CACNA2D3: variants seen among roughly 807,000 people sequenced by gnomAD.
CACNA2D3 encodes the protein calcium voltage-gated channel auxiliary subunit alpha2delta 3.
CACNA2D3 carries 60 observed loss-of-function variants against 160.6 expected under a neutral mutation model. The ratio of observed to expected loss-of-function variants is 0.37; its 90% CI spans 0.30 to 0.46. The LOEUF (loss-of-function observed/expected upper bound fraction) is 0.46. Ranked by LOEUF, CACNA2D3 falls within the 20% of genes least tolerant of loss-of-function variation. CACNA2D3 has a pLI of 1.00. For missense variants in CACNA2D3, 1,205 were observed against 1,365.0 expected (o/e 0.88, Z 1.85); for synonymous variants, 558 against 492.9 (o/e 1.13, Z -1.75).
At chr3:54,739,350 G>A (rs554074036) in intron 11 of CACNA2D3, among the ~76,000 whole-genome samples, 48 of 150,468 alleles carry the variant, frequency 3.2e-4, no homozygotes, top group African/African-American at 1.1e-3. Context: ...AACCTGGGAG[G>A]CAGAGGTTGC....
At chr3:54,199,837 A>G (rs1400997153) in intron 2 of CACNA2D3, among the ~76,000 whole-genome samples, 5 of 152,244 alleles carry the variant, frequency 3.3e-5, no homozygotes, top group African/African-American at 1.2e-4. Context: ...AAGGGAGTCA[A>G]TTTTAAAATA....
At position 54,785,608 on chromosome 3, in the gene CACNA2D3, A is replaced by G. The variant is rs142480931; in HGVS notation, c.1380+21257A>G. On this transcript the variant is annotated intron_variant, in intron 13 of 37. Coordinates refer to ENST00000474759, the MANE Select transcript of CACNA2D3 (RefSeq NM_018398.3). ...CCTAAATGACAAGCAAAATACATGAATTATTTTCTGTAGGGAAATTGAGAA... is the reference window on the plus strand; with the variant it reads ...CCTAAATGACAAGCAAAATACATGAGTTATTTTCTGTAGGGAAATTGAGAA... 3.9e-3 allele frequency among the ~76,000 whole-genome samples: 590 copies of G among 152,308 alleles called. 5 individuals carry two copies. The highest frequency in any genetic ancestry group is 0.014 in the African/African-American group (571 of 41,556).
intron 17 of CACNA2D3, among the ~76,000 whole-genome samples, chr3:54,860,232 G>C (rs1044372108): frequency 3.3e-5 from 5 of 152,170 alleles, no homozygotes; most frequent in Admixed American, 3.3e-4. Context: ...ATATTTAGAA[G>C]CTGACAGACA....
rs147645725 is a variant in CACNA2D3, at chr3:54,355,728, T to TAGG, written c.322-30985_322-30983dup. On this transcript the variant is annotated intron_variant, in intron 3 of 37. Transcript: ENST00000474759. The stretch of plus-strand genomic sequence containing the variant: ...CCTAAGCCCAGGGCAGGAGTAAAGG[T>TAGG]AGGACATGGAGGCCTTGGAGGATTG... 3.6e-3 allele frequency among the ~76,000 whole-genome samples: 552 copies of TAGG among 152,252 alleles called. 15 individuals carry two copies. In the East Asian group the frequency reaches 0.065, roughly 18 times the overall value.
chr3:54,493,094 T>G (rs967109205), intron 4 of CACNA2D3, among the ~76,000 whole-genome samples: 6 of 68,818 alleles, frequency 8.7e-5, no homozygotes, highest in African/African-American at 1.7e-4. Context: ...TTTTTTTTTT[T>G]GGAGACGGAG....
intron 11 of CACNA2D3, among the ~76,000 whole-genome samples, chr3:54,676,205 C>T (rs1251264944): frequency 6.6e-6 from 1 of 152,174 alleles, no homozygotes; most frequent in Non-Finnish European, 1.5e-5. Context: ...TAAATCTTAG[C>T]CCCTTTCCTC....
intron 9 of CACNA2D3, among the ~76,000 whole-genome samples, chr3:54,589,361 A>G (rs1559520390): frequency 6.6e-6 from 1 of 152,076 alleles, no homozygotes; most frequent in Non-Finnish European, 1.5e-5. Flanking sequence ...CTTGACTCAA[A>G]CCTCACAACT....
intron 26 of CACNA2D3, among the ~76,000 whole-genome samples, chr3:54,898,110 C>A (rs1272184818): frequency 6.6e-6 from 1 of 151,664 alleles, no homozygotes; most frequent in Non-Finnish European, 1.5e-5. Context: ...TCCTTTCTTT[C>A]TTTTTTCTTT....
intron 5 of CACNA2D3, among the ~76,000 whole-genome samples, chr3:54,559,120 A>T (rs1702284652): frequency 6.6e-6 from 1 of 152,072 alleles, no homozygotes; most frequent in Non-Finnish European, 1.5e-5. Context: ...CTCCTCTAAG[A>T]ACGGAATGTT....
At chr3:54,365,086 C>T (rs1338364302) in intron 3 of CACNA2D3, among the ~76,000 whole-genome samples, 1 of 152,188 alleles carries the variant, frequency 6.6e-6, no homozygotes, top group Non-Finnish European at 1.5e-5. Context: ...ACTTGTGTTT[C>T]CTCAAACCTG....
chr3:54,657,998 A>G (rs552630831), intron 11 of CACNA2D3, among the ~76,000 whole-genome samples: 54 of 152,354 alleles, frequency 3.5e-4, no homozygotes, highest in African/African-American at 1.3e-3. Context: ...TGCCTGAGCA[A>G]CAGAGTGAGT....
At chr3:54,641,499 A>G (rs948157991) in intron 10 of CACNA2D3, among the ~76,000 whole-genome samples, 9 of 152,214 alleles carry the variant, frequency 5.9e-5, no homozygotes, top group East Asian at 1.9e-4. Flanking sequence ...AAAGATGTCA[A>G]AGTCTTAGTT....
intron 5 of CACNA2D3, among the ~76,000 whole-genome samples, chr3:54,531,967 C>T (rs532895503): frequency 3.9e-5 from 6 of 152,280 alleles, no homozygotes; most frequent in African/African-American, 1.2e-4. Context: ...GCTTGGCAGC[C>T]GGTGTCTTGC....
chr3:54,878,964 A>G, intron 18 of CACNA2D3, 54 bp from the exon 19 acceptor site: 2 of 1,137,152 alleles, frequency 1.8e-6, no homozygotes, highest in East Asian at 2.4e-5. Context: ...CAAGATGTCC[A>G]GATTACATGA....
intron 3 of CACNA2D3, among the ~76,000 whole-genome samples, chr3:54,342,730 G>A (rs375455390): frequency 6.6e-6 from 1 of 152,202 alleles, no homozygotes; most frequent in African/African-American, 2.4e-5. Flanking sequence ...CATCAATAAC[G>A]AGAGTGTCTA....
chr3:55,041,055 T>A (rs1194431201), intron 35 of CACNA2D3, among the ~76,000 whole-genome samples: 1 of 152,198 alleles, frequency 6.6e-6, no homozygotes, highest in East Asian at 1.9e-4. Flanking sequence ...ATGCCTTTCT[T>A]CATATTATAT....
intron 27 of CACNA2D3, among the ~76,000 whole-genome samples, chr3:54,943,281 C>A (rs1302524732): frequency 6.6e-6 from 1 of 151,972 alleles, no homozygotes; most frequent in Non-Finnish European, 1.5e-5. Flanking sequence ...CATTCCCAAC[C>A]CCTATTCTCA....
At chr3:54,639,359 A>C (rs1050719901) in intron 10 of CACNA2D3, 2 of 152,252 alleles carry the variant, frequency 1.3e-5, no homozygotes, top group Non-Finnish European at 2.9e-5. Flanking sequence ...GTGGTCTGAA[A>C]CGTGAAATCA....
At chr3:54,875,877 C>T (rs1274077916) in intron 18 of CACNA2D3, among the ~76,000 whole-genome samples, 4 of 152,136 alleles carry the variant, frequency 2.6e-5, no homozygotes, top group African/African-American at 9.7e-5. Context: ...TTATTGAGTA[C>T]ACTGTGGTAC....
Sources: allele counts gnomAD v4.1 joint callset (sites outside exome capture counted in the v4.1 genomes callset), GRCh38; gene constraint gnomAD v4.1.1; transcripts MANE v1.5; gene names NCBI Gene and HGNC (gene_info 2026-07-23, HGNC 2026-07-21).